OPCML: variants seen among roughly 807,000 people sequenced by gnomAD.
OPCML encodes opioid binding protein/cell adhesion molecule like.
A neutral mutation model predicts 37.8 loss-of-function variants in OPCML; 13 were observed. The ratio of observed to expected loss-of-function variants is 0.34; its 90% confidence interval spans 0.22 to 0.55. OPCML has a LOEUF of 0.55. OPCML is among the 20% of genes least tolerant of loss of function. The pLI is 0.91. For missense variants in OPCML, 341 were observed against 435.6 expected (o/e 0.78, Z 1.93); for synonymous variants, 176 against 168.8 (o/e 1.04, Z -0.33).
intron 4 of OPCML, among the ~76,000 whole-genome samples, chr11:132,450,750 T>C (rs2096066442): frequency 6.6e-6 from 1 of 152,188 alleles, no homozygotes; most frequent in African/African-American, 2.4e-5. Context: ...TTTTCAAACC[T>C]TCCTCACCAT....
intron 1 of OPCML, among the ~76,000 whole-genome samples, chr11:132,976,058 G>A (rs564087660): frequency 5.9e-5 from 9 of 152,244 alleles, no homozygotes; most frequent in South Asian, 2.1e-4. Context: ...ACTAAAGCTC[G>A]TTTCAAAGAT....
At chr11:132,509,834 T>C (rs2096265094) in intron 4 of OPCML, among the ~76,000 whole-genome samples, 1 of 152,120 alleles carries the variant, frequency 6.6e-6, no homozygotes, top group African/African-American at 2.4e-5. Context: ...AAGGGATATG[T>C]GGGGTGGGAG....
chr11:132,967,253 C>T (rs1286694108), intron 1 of OPCML, among the ~76,000 whole-genome samples: 12 of 151,994 alleles, frequency 7.9e-5, no homozygotes. Flanking sequence ...TTTATACTTA[C>T]TTAATGCCAG....
intron 1 of OPCML, among the ~76,000 whole-genome samples, chr11:133,358,852 C>A (rs1944351075): frequency 6.6e-6 from 1 of 152,122 alleles, no homozygotes; most frequent in Non-Finnish European, 1.5e-5. Flanking sequence ...CCCCCCACCC[C>A]CGACCAGTGG....
intron 1 of OPCML, 173 bp downstream of exon 1, chr11:133,532,091 G>T: frequency 3.1e-6 from 2 of 637,114 alleles, no homozygotes; most frequent in Non-Finnish European, 2.0e-6. Context: ...GCGTGTGAGC[G>T]AGTGAGTGTG....
chr11:133,141,932 T>G (rs1187700606), intron 1 of OPCML, among the ~76,000 whole-genome samples: 1 of 152,196 alleles, frequency 6.6e-6, no homozygotes, highest in African/African-American at 2.4e-5. Flanking sequence ...ACCTCCACCC[T>G]GACTTTCAAG....
chr11:132,737,654 C>T (rs964901042), intron 2 of OPCML, among the ~76,000 whole-genome samples: 4 of 152,128 alleles, frequency 2.6e-5, no homozygotes, highest in Admixed American at 1.3e-4. Flanking sequence ...AATTAAAAAT[C>T]ATGCTGTGTA....
intron 3 of OPCML, among the ~76,000 whole-genome samples, chr11:132,571,883 C>A (rs2096439419): frequency 6.6e-6 from 1 of 152,104 alleles, no homozygotes; most frequent in South Asian, 2.1e-4. Context: ...TTTGCATTCC[C>A]ACCAATAGTA....
At chr11:132,498,077 T>C (rs545879332) in intron 4 of OPCML, among the ~76,000 whole-genome samples, 10 of 152,318 alleles carry the variant, frequency 6.6e-5, no homozygotes, top group Admixed American at 5.2e-4. Context: ...CTAAACATAT[T>C]CTATATTTTT....
At chr11:132,918,074 A>G (rs946041520) in intron 2 of OPCML, among the ~76,000 whole-genome samples, 1 of 152,240 alleles carries the variant, frequency 6.6e-6, no homozygotes, top group Non-Finnish European at 1.5e-5. Flanking sequence ...GTTGGAAATT[A>G]CCTCACAATA....
chr11:133,261,386 A>C (rs1330374256), intron 1 of OPCML, among the ~76,000 whole-genome samples: 2 of 152,166 alleles, frequency 1.3e-5, no homozygotes, highest in Non-Finnish European at 2.9e-5. Flanking sequence ...TTCTAATTCG[A>C]AACACTTTCA....
intron 1 of OPCML, among the ~76,000 whole-genome samples, chr11:133,417,939 T>C (rs1945803306): frequency 6.8e-6 from 1 of 147,874 alleles, no homozygotes; most frequent in Admixed American, 6.6e-5. Flanking sequence ...AATAAAAATA[T>C]AGGAAAAAAA....
intron 2 of OPCML, among the ~76,000 whole-genome samples, chr11:132,669,119 G>A (rs1316582942): frequency 1.3e-5 from 2 of 152,072 alleles, no homozygotes; most frequent in African/African-American, 4.8e-5. Flanking sequence ...CACACCTGAA[G>A]CAGAATTCAG....
intron 2 of OPCML, among the ~76,000 whole-genome samples, chr11:132,784,478 GC>G (rs1286851722): frequency 6.6e-6 from 1 of 151,970 alleles, no homozygotes; most frequent in Non-Finnish European, 1.5e-5. Flanking sequence ...TTGAGTCTCT[GC>G]CAAAACACAA....
chr11:133,260,023 G>C (rs1320097320), intron 1 of OPCML, among the ~76,000 whole-genome samples: 3 of 152,118 alleles, frequency 2.0e-5, no homozygotes, highest in African/African-American at 7.2e-5. Context: ...AACAAACCAA[G>C]AAAGGGAGAT....
intron 2 of OPCML, among the ~76,000 whole-genome samples, chr11:132,760,582 G>A (rs1224000915): frequency 7.9e-6 from 1 of 125,904 alleles, no homozygotes; most frequent in Admixed American, 7.8e-5. Context: ...TTTTATCTTT[G>A]TTGGTTTAAA....
chr11:133,457,884 C>T (rs1209376070), intron 1 of OPCML, among the ~76,000 whole-genome samples: 5 of 152,090 alleles, frequency 3.3e-5, no homozygotes, highest in South Asian at 2.1e-4. Flanking sequence ...TGGTGGCTCA[C>T]GCCTATAATC....
chr11:133,163,610 T>C (rs1950172415), intron 1 of OPCML, among the ~76,000 whole-genome samples: 1 of 152,236 alleles, frequency 6.6e-6, no homozygotes, highest in Admixed American at 6.5e-5. Context: ...CCACAGCCTC[T>C]TCTCCGTCTT....
At position 132,436,114 on chromosome 11, in the gene OPCML, C is replaced by T. The variant is rs758637223; in HGVS notation, c.888G>A (p.Gly296=). ...ACAATGTGATGCTGGCATTGGTGTT[C>T]CCAAGCTTGTTCGTGGCCACACAAG... The part of the protein sequence containing the change: ...NYTCVATNKL[G]NTNASITLYG... Residue 296 remains glycine (G), a synonymous_variant, in exon 7 of 8, where the codon GGG becomes GGA. Transcript: ENST00000524381. The T allele has an allele frequency of 1.2e-6, 2 of 1,614,138 alleles. No homozygotes were observed. Among genetic ancestry groups the T allele is most frequent in the South Asian group, 1.1e-5 (1 of 91,068 alleles).
Sources: gnomAD v4.1 joint callset for allele counts (sites outside exome capture counted in the v4.1 genomes callset) on GRCh38, gnomAD v4.1.1 for gene constraint, MANE v1.5 for transcripts, NCBI Gene and HGNC (gene_info 2026-07-23, HGNC 2026-07-21) for gene names.